Variants in MEGF10 observed in about 807,000 individuals in gnomAD.
The protein encoded by MEGF10 is multiple epidermal growth factor-like domains protein 10.
Under a neutral mutation model 147.5 loss-of-function variants are expected in MEGF10, and 86 were observed. That is an observed-to-expected ratio of 0.58 (90% CI 0.49 to 0.70). MEGF10 has a LOEUF of 0.70. Ranked by LOEUF, MEGF10 falls within the 30% of genes least tolerant of loss-of-function variation. The pLI is 0.00. For synonymous variants in MEGF10, 478 were observed against 525.5 expected (o/e 0.91, Z 1.24); for missense variants, 1,329 against 1,487.3 (o/e 0.89, Z 1.75).
chr5:127,402,314 C>T (rs148972537), intron 7 of MEGF10, among the ~76,000 whole-genome samples: 7 of 152,238 alleles, frequency 4.6e-5, no homozygotes, highest in African/African-American at 1.2e-4. Flanking sequence ...ACTATTCAGC[C>T]GTCTTTGAAT....
chr5:127,297,447 A>T (rs1759553209), intron 1 of MEGF10, among the ~76,000 whole-genome samples: 1 of 152,228 alleles, frequency 6.6e-6, no homozygotes, highest in Non-Finnish European at 1.5e-5. Flanking sequence ...AATTAAAAAA[A>T]AAACAACAAC....
chr5:127,451,818 G>T (rs757452122), intron 22 of MEGF10, among the ~76,000 whole-genome samples: 1 of 152,152 alleles, frequency 6.6e-6, no homozygotes, highest in Non-Finnish European at 1.5e-5. Context: ...TAAAGTTGTT[G>T]CACAGAAAAA....
chr5:127,343,461 A>T (rs556832505), intron 4 of MEGF10, among the ~76,000 whole-genome samples: 4 of 151,640 alleles, frequency 2.6e-5, no homozygotes, highest in Non-Finnish European at 4.4e-5. Flanking sequence ...CAGCTGCCTC[A>T]CCCTCTTTCC....
intron 1 of MEGF10, among the ~76,000 whole-genome samples, chr5:127,296,550 A>G (rs1290415954): frequency 6.6e-6 from 1 of 152,188 alleles, no homozygotes; most frequent in African/African-American, 2.4e-5. Flanking sequence ...GGAACATCCT[A>G]GAGGATGACT....
At chr5:127,385,978 T>A (rs989161314) in intron 5 of MEGF10, among the ~76,000 whole-genome samples, 22 of 152,174 alleles carry the variant, frequency 1.4e-4, no homozygotes, top group Non-Finnish European at 2.6e-4. Flanking sequence ...CATGGTAGCA[T>A]GTTCTTGTAG....
At chr5:127,236,148 T>G in the MEGF10 span, among the ~76,000 whole-genome samples, 1 of 152,282 alleles carries the variant, frequency 6.6e-6, no homozygotes, top group South Asian at 2.1e-4. Flanking sequence ...AATTTTTGTA[T>G]TTTTAGTAGA....
chr5:127,269,136 G>GA, the MEGF10 span, among the ~76,000 whole-genome samples: 3 of 152,258 alleles, frequency 2.0e-5, no homozygotes, highest in Non-Finnish European at 4.4e-5. Flanking sequence ...CAAAGATGGG[G>GA]AAAAAACAGA....
Position 127,454,590 on chromosome 5 carries a change from A to G in MEGF10, c.3005A>G (p.Tyr1002Cys), listed in dbSNP as rs566716623. The change falls in exon 23 of 25, where the codon TAT (tyrosine) becomes TGT (cysteine). Residue 1002 changes from tyrosine to cysteine, a missense_variant. Physicochemically the swap from Tyr to Cys is radical, Grantham distance 194 (BLOSUM62 -2). Transcript: ENST00000503335. ...GGTGCTTTTGGACTTGACAGAAGCTATATGGGAAAATCCTTAAAAGGTATC... is the reference window on the plus strand; with the variant it reads ...GGTGCTTTTGGACTTGACAGAAGCTGTATGGGAAAATCCTTAAAAGGTATC... Reference protein sequence around the residue: ...ELGAFGLDRSYMGKSLKDLGK... With the variant: ...ELGAFGLDRSCMGKSLKDLGK... 8.1e-6 allele frequency: 13 copies of G among 1,608,804 alleles called. No individual in the cohort carries two copies. The South Asian group carries it at 1.0e-4, about 12-fold the overall frequency.
At chr5:127,447,080 G>A (rs1253534450) in intron 20 of MEGF10, among the ~76,000 whole-genome samples, 3 of 152,194 alleles carry the variant, frequency 2.0e-5, no homozygotes, top group African/African-American at 7.2e-5. Flanking sequence ...GTAGAGGCCT[G>A]TTGCTTCTAG....
intron 23 of MEGF10, among the ~76,000 whole-genome samples, chr5:127,454,947 T>C (rs1766302588): frequency 5.3e-5 from 8 of 152,158 alleles, no homozygotes; most frequent in Non-Finnish European, 1.0e-4. Flanking sequence ...GGTTACATGT[T>C]GACCAAGTTC....
chr5:127,455,672 T>C (rs1448616831), intron 24 of MEGF10, 65 bp downstream of exon 24: 4 of 1,330,886 alleles, frequency 3.0e-6, no homozygotes, highest in Non-Finnish European at 4.2e-6. Context: ...TTAAAGTCTT[T>C]ACGAATATAA....
chr5:127,268,542 G>A, the MEGF10 span, among the ~76,000 whole-genome samples: 4 of 152,114 alleles, frequency 2.6e-5, no homozygotes, highest in Non-Finnish European at 4.4e-5. Flanking sequence ...GGCTGGGGGA[G>A]GGGCGCCCAC....
chr5:127,442,173 C>A (rs890088830), intron 18 of MEGF10, among the ~76,000 whole-genome samples: 2 of 152,146 alleles, frequency 1.3e-5, no homozygotes, highest in African/African-American at 4.8e-5. Flanking sequence ...TAAGTGCTTC[C>A]ATGATTACTC....
At chr5:127,380,654 A>AT (rs2126883969) in intron 5 of MEGF10, among the ~76,000 whole-genome samples, 2 of 151,996 alleles carry the variant, frequency 1.3e-5, no homozygotes, top group Non-Finnish European at 2.9e-5. Context: ...AGTAGCTGGG[A>AT]TTACAGGTGC....
At chr5:127,272,157 A>T in the MEGF10 span, among the ~76,000 whole-genome samples, 1 of 152,200 alleles carries the variant, frequency 6.6e-6, no homozygotes, top group Non-Finnish European at 1.5e-5. Context: ...ATGGCTAGCC[A>T]GTTCTTATGG....
At chr5:127,382,147 C>A (rs999230397) in intron 5 of MEGF10, among the ~76,000 whole-genome samples, 6 of 152,140 alleles carry the variant, frequency 3.9e-5, no homozygotes, top group African/African-American at 1.4e-4. Context: ...AAAATTCATA[C>A]ACAACCTAGT....
chr5:127,339,911 G>A (rs1436287549), intron 3 of MEGF10, among the ~76,000 whole-genome samples: 3 of 152,066 alleles, frequency 2.0e-5, no homozygotes, highest in Non-Finnish European at 4.4e-5. Context: ...TTTCTTCACA[G>A]CATGTAATCA....
intron 5 of MEGF10, among the ~76,000 whole-genome samples, chr5:127,396,163 C>T (rs1053432500): frequency 2.6e-5 from 4 of 152,216 alleles, no homozygotes; most frequent in African/African-American, 9.6e-5. Context: ...ATGAGCTGAT[C>T]ATTCCCGTCT....
chr5:127,231,440 C>G, the MEGF10 span, among the ~76,000 whole-genome samples: 1 of 152,196 alleles, frequency 6.6e-6, no homozygotes, highest in South Asian at 2.1e-4. Flanking sequence ...TGGTTAGCAC[C>G]TTCCCATCCA....
Sources: allele counts gnomAD v4.1 joint callset (sites outside exome capture counted in the v4.1 genomes callset), GRCh38; gene constraint gnomAD v4.1.1; transcripts MANE v1.5; gene names NCBI Gene and HGNC (gene_info 2026-07-23, HGNC 2026-07-21).